The following TECRL variants were observed in gnomAD, a reference collection of about 807,000 sequenced individuals.
TECRL encodes the protein trans-2,3-enoyl-CoA reductase-like.
A neutral mutation model predicts 52.8 loss-of-function variants in TECRL; 63 were observed. That is an observed-to-expected ratio of 1.19 (90% CI 0.97 to 1.47). The LOEUF (loss-of-function observed/expected upper bound fraction) is 1.47, where lower values mean the gene tolerates loss of function less well. Ranked by LOEUF, TECRL falls within the 40% of genes most tolerant of loss-of-function variation. The pLI, the probability that TECRL is intolerant of heterozygous loss-of-function variation, is 0.00. For synonymous variants in TECRL, 164 were observed against 141.9 expected, an observed-to-expected ratio of 1.16 and a Z score of -1.10; for missense variants, 482 against 429.6, an observed-to-expected ratio of 1.12 and a Z score of -1.08.
intron 2 of TECRL, among the ~76,000 whole-genome samples, chr4:64,374,562 TC>T (rs959854628): frequency 1.3e-5 from 2 of 150,032 alleles, no homozygotes; most frequent in Admixed American, 1.3e-4. Flanking sequence ...CCCTCCCCGC[TC>T]CCCCCACCCC....
Position 64,279,947 on chromosome 4 carries a change from A to G in TECRL, c.*125T>C. ...ATTTAGTGAAATTTTACTATTTTAT[A>G]TTTTTACTCAGTGTATATACTGTTG... is the stretch of plus-strand genomic sequence containing the variant. On this transcript the variant is annotated 3_prime_UTR_variant, in exon 12 of 12. Coordinates refer to ENST00000381210, the MANE Select transcript of TECRL (RefSeq NM_001010874.5). 7.9e-7 allele frequency: 1 copy of G among 1,262,240 alleles called. No homozygotes were observed. The highest frequency in any genetic ancestry group is 1.0e-6 in the Non-Finnish European group (1 of 995,044). The allele number at this position is 1,262,240 out of a possible 1,614,324, so 78.2% of individuals were successfully genotyped here.
chr4:64,371,210 T>C (rs1395127845), intron 2 of TECRL, among the ~76,000 whole-genome samples: 1 of 151,368 alleles, frequency 6.6e-6, no homozygotes, highest in Non-Finnish European at 1.5e-5. Flanking sequence ...TAATACATAA[T>C]TATTTTTACA....
chr4:64,308,441 G>A (rs1173286396), intron 6 of TECRL, among the ~76,000 whole-genome samples: 2 of 152,122 alleles, frequency 1.3e-5, no homozygotes, highest in East Asian at 3.9e-4. Flanking sequence ...AGTATCTATG[G>A]CCAACCGCAG....
intron 1 of TECRL, among the ~76,000 whole-genome samples, chr4:64,381,204 G>C (rs1722766889): frequency 6.6e-6 from 1 of 151,958 alleles, no homozygotes; most frequent in South Asian, 2.1e-4. Context: ...TCTCATTGGT[G>C]TATAAAAATG....
chr4:64,328,639 T>C (rs966878111), intron 2 of TECRL, 83 bp from the exon 3 acceptor site: 41 of 1,203,544 alleles, frequency 3.4e-5, no homozygotes, highest in Non-Finnish European at 5.0e-5. Context: ...GGGAAGACCA[T>C]TTAGATCTAG....
Position 64,361,595 on chromosome 4 carries a change from T to C in TECRL, c.286+13577A>G, listed in dbSNP as rs1190537669. 2.6e-5 allele frequency among the ~76,000 whole-genome samples: 4 copies of C among 152,038 alleles called. No individual in the cohort carries two copies. In the South Asian group the frequency reaches 8.3e-4, roughly 32 times the overall value. On this transcript the variant is annotated intron_variant, in intron 2 of 11. Coordinates refer to ENST00000381210, the MANE Select transcript of TECRL (RefSeq NM_001010874.5). Reference sequence around the variant, plus strand: ...AGTGTTAAAACATGCAGCCCAGGAGTGCTGAGCTAAACCTACACTGCCTGA... The same window carrying C: ...AGTGTTAAAACATGCAGCCCAGGAGCGCTGAGCTAAACCTACACTGCCTGA...
intron 1 of TECRL, among the ~76,000 whole-genome samples, chr4:64,391,353 A>T (rs987023411): frequency 6.6e-6 from 1 of 151,772 alleles, no homozygotes; most frequent in Admixed American, 6.6e-5. Flanking sequence ...TATTACCAGC[A>T]CCAACTTGTT....
chr4:64,350,705 C>G (rs73230410), intron 2 of TECRL, among the ~76,000 whole-genome samples: 1 of 151,962 alleles, frequency 6.6e-6, no homozygotes, highest in East Asian at 2.0e-4. Flanking sequence ...AATTTGCCAG[C>G]GGACTGCCTT....
chr4:64,294,790 C>G (rs544113860), intron 8 of TECRL, among the ~76,000 whole-genome samples: 1 of 151,950 alleles, frequency 6.6e-6, no homozygotes, highest in South Asian at 2.1e-4. Flanking sequence ...ATAATTATAT[C>G]TGTTTTATTT....
At chr4:64,315,882 C>T (rs1717463939) in intron 4 of TECRL, among the ~76,000 whole-genome samples, 1 of 152,004 alleles carries the variant, frequency 6.6e-6, no homozygotes, top group South Asian at 2.1e-4. Flanking sequence ...TATATTTTCT[C>T]ATGTACCAAG....
rs5858876 is a variant in TECRL at position 64,314,590 on chromosome 4, G to GGTGTGTGT, written c.551+50_551+57dup. 52 of 746,022 alleles carry GGTGTGTGT rather than the reference G, an allele frequency of 7.0e-5. No homozygotes were observed. The African/African-American group carries it at 8.6e-4, about 12-fold the overall frequency. 46.2% of individuals were successfully genotyped at this position (746,022 alleles called of 1,614,324 possible). A position where few individuals can be genotyped will look rare whatever the true frequency, so the allele number is the denominator to read the frequency against. Reference sequence around the variant, plus strand: ...AGTTCATCCCCTCCTTAACGTGTATGGTGTGTGTGTGTGTGTGTGTGTGTG... The same window carrying GGTGTGTGT: ...AGTTCATCCCCTCCTTAACGTGTATGGTGTGTGTGTGTGTGTGTGTGTGTGTGTGTGTG... On this transcript the variant is annotated intron_variant, in intron 5 of 11. Transcript: ENST00000381210.
intron 2 of TECRL, among the ~76,000 whole-genome samples, chr4:64,334,283 T>A (rs1158829175): frequency 6.6e-6 from 1 of 152,094 alleles, no homozygotes; most frequent in African/African-American, 2.4e-5. Flanking sequence ...GCTGGGTTTA[T>A]TTTGTTAAAA....
At chr4:64,311,448 A>T (rs555458299) in intron 5 of TECRL, among the ~76,000 whole-genome samples, 2 of 152,280 alleles carry the variant, frequency 1.3e-5, no homozygotes, top group South Asian at 4.1e-4. Flanking sequence ...AGTTAAGGAA[A>T]TTGGTATCTC....
chr4:64,345,907 C>CAAAAAAAAAAAAAAAAAAA, intron 2 of TECRL, among the ~76,000 whole-genome samples: 553 of 23,346 alleles, frequency 0.024, 248 homozygotes, highest in Middle Eastern at 0.14. Context: ...GCCTCAACAG[C>CAAAAAAAAAAAAAAAAAAA]AAAAAAAAAA....
chr4:64,387,069 C>T (rs1723224641), intron 1 of TECRL, among the ~76,000 whole-genome samples: 1 of 152,116 alleles, frequency 6.6e-6, no homozygotes, highest in South Asian at 2.1e-4. Flanking sequence ...ACTAAAAATC[C>T]TCTGTGCTTC....
At chr4:64,352,455 C>T (rs1720467165) in intron 2 of TECRL, among the ~76,000 whole-genome samples, 1 of 152,150 alleles carries the variant, frequency 6.6e-6, no homozygotes, top group Admixed American at 6.5e-5. Context: ...AGGAAGCCTG[C>T]ATGATTCATA....
At chr4:64,341,118 A>T (rs568268674) in intron 2 of TECRL, among the ~76,000 whole-genome samples, 1 of 151,992 alleles carries the variant, frequency 6.6e-6, no homozygotes, top group African/African-American at 2.4e-5. Flanking sequence ...AGAGCTGAAC[A>T]CTTGTTGGGA....
chr4:64,405,390 A>G (rs1724638605), intron 1 of TECRL, among the ~76,000 whole-genome samples: 1 of 152,104 alleles, frequency 6.6e-6, no homozygotes, highest in African/African-American at 2.4e-5. Flanking sequence ...TGCCAAGAAG[A>G]TGGATTGTAT....
intron 1 of TECRL, among the ~76,000 whole-genome samples, chr4:64,400,293 T>G (rs1182130294): frequency 1.3e-5 from 2 of 152,194 alleles, no homozygotes; most frequent in African/African-American, 4.8e-5. Context: ...TGGGAGTGTT[T>G]ACTCAATGCT....
Sources: gnomAD v4.1 joint callset for allele counts (sites outside exome capture counted in the v4.1 genomes callset) on GRCh38, gnomAD v4.1.1 for gene constraint, MANE v1.5 for transcripts, NCBI Gene and HGNC (gene_info 2026-07-23, HGNC 2026-07-21) for gene names.